The following ADAMTS3 variants were observed in gnomAD, a reference collection of about 807,000 sequenced individuals.
ADAMTS3 encodes the protein ADAM metallopeptidase with thrombospondin type 1 motif 3.
Under a neutral mutation model 129.0 loss-of-function variants are expected in ADAMTS3, and 73 were observed. The ratio of observed to expected loss-of-function variants is 0.57; its 90% CI spans 0.47 to 0.69. ADAMTS3 has a LOEUF of 0.69. ADAMTS3 is among the 30% of genes least tolerant of loss of function. The probability of loss-of-function intolerance (pLI) is 0.00; values close to 1 mark genes in which losing one functional copy is unlikely to be tolerated. For synonymous variants in ADAMTS3, 477 were observed against 510.8 expected (o/e 0.93, Z 0.89); for missense variants, 1,457 against 1,514.5 (o/e 0.96, Z 0.63).
At chr4:72,543,052 C>G (rs1485094075) in intron 3 of ADAMTS3, among the ~76,000 whole-genome samples, 3 of 151,930 alleles carry the variant, frequency 2.0e-5, no homozygotes, top group African/African-American at 7.3e-5. Flanking sequence ...TATAAATAAG[C>G]AAGTATTAAG....
chr4:72,407,261 T>C (rs1441135743), intron 4 of ADAMTS3, among the ~76,000 whole-genome samples: 1 of 152,094 alleles, frequency 6.6e-6, no homozygotes, highest in African/African-American at 2.4e-5. Context: ...AAGTTAGGTA[T>C]GATGAAATTA....
chr4:72,554,619 C>T (rs1356550), intron 2 of ADAMTS3, among the ~76,000 whole-genome samples: 141,465 of 150,992 alleles, frequency 0.94, 67,084 homozygotes, highest in East Asian at 1. Context: ...ATAACTTTCC[C>T]CCATATGACA....
chr4:72,364,453 A>C (rs760499906), intron 4 of ADAMTS3, among the ~76,000 whole-genome samples: 2 of 152,008 alleles, frequency 1.3e-5, no homozygotes, highest in Non-Finnish European at 2.9e-5. Context: ...TGTCTCTACT[A>C]AAAATACAAA....
rs1719271192 is a variant in ADAMTS3, at chr4:72,312,545, CACAA to C, written c.1746-83_1746-80del. The stretch of plus-strand genomic sequence containing the variant: ...AGCTTGCAGACACAGTGCTTGAGGG[CACAA>C]AGCCAAAGTTTCTGGGCTGCCAGCA... On this transcript the variant is annotated intron_variant, in intron 12 of 21. Transcript: ENST00000286657. 2.8e-6 allele frequency: 4 copies of C among 1,425,202 alleles called. No homozygotes were observed. In the African/African-American group the frequency reaches 4.3e-5, roughly 15 times the overall value. The allele number at this position is 1,425,202 out of a possible 1,614,324, so 88.3% of individuals were successfully genotyped here. A position where few individuals can be genotyped will look rare whatever the true frequency, so the allele number is the denominator to read the frequency against.
chr4:72,521,458 CA>C (rs528805798), intron 3 of ADAMTS3, among the ~76,000 whole-genome samples: 8 of 152,078 alleles, frequency 5.3e-5, no homozygotes, highest in Non-Finnish European at 8.8e-5. Context: ...GTATTAAAAG[CA>C]GTGAGAATTT....
At chr4:72,519,937 T>A (rs1380033296) in intron 3 of ADAMTS3, among the ~76,000 whole-genome samples, 1 of 152,140 alleles carries the variant, frequency 6.6e-6, no homozygotes, top group African/African-American at 2.4e-5. Context: ...TTTCCAGTTT[T>A]TCTGCTCTGT....
chr4:72,429,779 A>G (rs16847908), intron 3 of ADAMTS3, among the ~76,000 whole-genome samples: 3 of 151,802 alleles, frequency 2.0e-5, no homozygotes, highest in African/African-American at 7.3e-5. Context: ...AGGAATTCAA[A>G]CCAGATCAGT....
At chr4:72,285,870 G>T (rs549985028) in intron 21 of ADAMTS3, among the ~76,000 whole-genome samples, 1 of 151,554 alleles carries the variant, frequency 6.6e-6, no homozygotes, top group Non-Finnish European at 1.5e-5. Context: ...CAGACTTCTC[G>T]TTCCACCCCC....
rs201136269 is a variant in ADAMTS3 at position 72,490,966 on chromosome 4, A to AT, written c.504+57511dup. On this transcript the variant is annotated intron_variant, in intron 3 of 21. Coordinates refer to ENST00000286657, the MANE Select transcript of ADAMTS3 (RefSeq NM_014243.3). ...AATTCTTCCAATGAATGAACATGAG[A>AT]TTTTTTCCATTTGTCTTTAATTTCC... Among the ~76,000 whole-genome samples, 879 of 151,822 alleles carry AT rather than the reference A, an allele frequency of 5.8e-3. 2 individuals are homozygous for AT. The highest frequency in any genetic ancestry group is 0.02 in the African/African-American group (834 of 41,478).
At chr4:72,336,767 T>C (rs749160903) in intron 5 of ADAMTS3, among the ~76,000 whole-genome samples, 5 of 152,242 alleles carry the variant, frequency 3.3e-5, no homozygotes, top group East Asian at 1.9e-4. Flanking sequence ...AATTCTATGC[T>C]GTGTAGGGCT....
At chr4:72,464,413 T>G (rs1718863816) in intron 3 of ADAMTS3, among the ~76,000 whole-genome samples, 1 of 151,986 alleles carries the variant, frequency 6.6e-6, no homozygotes, top group Admixed American at 6.6e-5. Context: ...TTTCTGGAGT[T>G]TGTCAGTAAG....
chr4:72,303,599 A>G (rs1187452660), intron 17 of ADAMTS3, among the ~76,000 whole-genome samples: 1 of 152,110 alleles, frequency 6.6e-6, no homozygotes, highest in African/African-American at 2.4e-5. Flanking sequence ...TGTACAAAGT[A>G]GAATGAAAAG....
intron 3 of ADAMTS3, among the ~76,000 whole-genome samples, chr4:72,514,563 C>A (rs139382594): frequency 1.4e-3 from 210 of 152,272 alleles, no homozygotes; most frequent in African/African-American, 4.6e-3. Context: ...TGAGCTCACT[C>A]AGCCCATCTA....
At chr4:72,377,028 G>A (rs1023347976) in intron 4 of ADAMTS3, among the ~76,000 whole-genome samples, 2 of 152,166 alleles carry the variant, frequency 1.3e-5, no homozygotes, top group Non-Finnish European at 2.9e-5. Flanking sequence ...AGGCAATACT[G>A]TAAACATGGC....
chr4:72,534,061 C>T (rs778051323), intron 3 of ADAMTS3, among the ~76,000 whole-genome samples: 33 of 152,268 alleles, frequency 2.2e-4, no homozygotes, highest in South Asian at 4.1e-4. Context: ...GGTGCAGGGG[C>T]TCACGCCTGT....
At chr4:72,288,965 CACAA>C (rs986026232) in intron 20 of ADAMTS3, 97 bp from the exon 21 acceptor site, 12 of 670,664 alleles carry the variant, frequency 1.8e-5, no homozygotes, top group Non-Finnish European at 2.8e-5. Flanking sequence ...CACACACACA[CACAA>C]AGACACAGAG....
intron 19 of ADAMTS3, among the ~76,000 whole-genome samples, chr4:72,293,962 G>A (rs762920089): frequency 1.3e-5 from 2 of 151,954 alleles, no homozygotes; most frequent in South Asian, 4.1e-4. Context: ...TGAAAGGTTC[G>A]GCAAGTGCAA....
rs192720583 is a variant in ADAMTS3, at chr4:72,462,221, C to A, written c.505-47250G>T. ...TGAGGAGGTGACATTTGAGCAGAAG[C>A]CTCAATAGAGTAAAGGATTAATAAA... On this transcript the variant is annotated intron_variant, in intron 3 of 21. Coordinates refer to ENST00000286657, the MANE Select transcript of ADAMTS3 (RefSeq NM_014243.3). Among the ~76,000 whole-genome samples, 40 of 151,888 alleles carry A rather than the reference C, an allele frequency of 2.6e-4. No homozygotes were observed. In the East Asian group the frequency reaches 7.0e-3, roughly 27 times the overall value.
intron 17 of ADAMTS3, among the ~76,000 whole-genome samples, chr4:72,300,724 C>T (rs1718927901): frequency 6.6e-6 from 1 of 152,136 alleles, no homozygotes; most frequent in African/African-American, 2.4e-5. Context: ...GTCCCATGTT[C>T]TCGCTCACTT....
Sources: gnomAD v4.1 joint callset for allele counts (sites outside exome capture counted in the v4.1 genomes callset) on GRCh38, gnomAD v4.1.1 for gene constraint, MANE v1.5 for transcripts, NCBI Gene and HGNC (gene_info 2026-07-23, HGNC 2026-07-21) for gene names.